Variants in RET observed in about 807,000 individuals in gnomAD.
RET encodes ret proto-oncogene, also known as proto-oncogene tyrosine-protein kinase receptor Ret.
In RET, 19 loss-of-function variants were observed where a neutral mutation model predicts 118.3. The ratio of observed to expected loss-of-function variants is 0.16; its 90% CI spans 0.11 to 0.24. The LOEUF is 0.24. RET is among the 10% of genes least tolerant of loss of function. The probability of loss-of-function intolerance (pLI) is 1.00; values close to 1 mark genes in which losing one functional copy is unlikely to be tolerated. For missense variants in RET, 1,219 were observed against 1,502.1 expected (o/e 0.81, Z 3.12); for synonymous variants, 597 against 644.1 (o/e 0.93, Z 1.11).
In RET at chr10:43,129,268, C is replaced by T. The variant is rs973554630; in HGVS notation, c.*999C>T. The T allele has an allele frequency of 1.3e-5, 3 of 233,496 alleles. No individual in the cohort carries two copies. Among genetic ancestry groups the T allele is most frequent in the African/African-American group, 2.2e-5 (1 of 45,324 alleles). 14.5% of individuals were successfully genotyped at this position (233,496 alleles called of 1,614,324 possible). On this transcript the variant is annotated 3_prime_UTR_variant, in exon 20 of 20. Coordinates refer to ENST00000355710, the MANE Select transcript of RET (RefSeq NM_020975.6). ...TTAATTTGAATCTTATCAACTTACT[C>T]ATAAAGGGACAGGCTAGCTAGCTGT... is the stretch of plus-strand genomic sequence containing the variant.
At chr10:43,100,336 C>A in intron 1 of RET, 123 bp from the exon 2 acceptor site, 1 of 1,139,636 alleles carries the variant, frequency 8.8e-7, no homozygotes, top group Non-Finnish European at 1.3e-6. Context: ...TGTTCATGTT[C>A]TCAGGAACAG....
At chr10:43,124,510 T>G (rs759962439) in intron 17 of RET, among the ~76,000 whole-genome samples, 36 of 152,250 alleles carry the variant, frequency 2.4e-4, no homozygotes, top group Non-Finnish European at 4.1e-4. Flanking sequence ...CAATTCATTC[T>G]TCTTGAGAGT....
chr10:43,100,824 C>A (rs543129908), intron 2 of RET, 102 bp downstream of exon 2: 6 of 1,313,540 alleles, frequency 4.6e-6, no homozygotes, highest in Non-Finnish European at 6.4e-6. Context: ...TGGCTTCCCC[C>A]CCACCGCTGG....
rs1221598716 is a variant in RET, at chr10:43,129,471, G to A, written c.*1202G>A. On this transcript the variant is annotated 3_prime_UTR_variant, in exon 20 of 20. Coordinates refer to ENST00000355710, the MANE Select transcript of RET (RefSeq NM_020975.6). ...TTTCTGTTTCTTAGATTCTGACCAT[G>A]ACTCATAAGCTTCTTGTCATTCTTC... The A allele has an allele frequency of 1.3e-5, 3 of 234,074 alleles. No individual in the cohort carries two copies. The highest frequency in any genetic ancestry group is 2.5e-5 in the Non-Finnish European group (3 of 118,424). 14.5% of individuals were successfully genotyped at this position (234,074 alleles called of 1,614,324 possible).
chr10:43,112,116 G>T lies in RET; in HGVS notation c.1540G>T (p.Gly514Cys). The change falls in exon 8 of 20, where the codon GGC (glycine) becomes TGC (cysteine). Residue 514 changes from glycine (G) to cysteine (C), a missense_variant. Physicochemically the swap from Gly to Cys is radical, Grantham distance 159. This residue lies in a region of RET where 850 missense variants were observed against 969.6 expected (regional missense o/e 0.88). Transcript: ENST00000355710. ...ACCTGCAGATGTGGCCGAGGAGGCG[G>T]GCTGCCCCCTGTCCTGTGCAGTCAG... ...VEGSYVAEEA[G>C]CPLSCAVSKR... 3.7e-6 allele frequency: 6 copies of T among 1,602,282 alleles called. No homozygotes were observed. The highest frequency in any genetic ancestry group is 5.1e-6 in the Non-Finnish European group (6 of 1,174,558).
At chr10:43,085,958 C>G (rs1438703448) in intron 1 of RET, among the ~76,000 whole-genome samples, 2 of 152,212 alleles carry the variant, frequency 1.3e-5, no homozygotes, top group Non-Finnish European at 1.5e-5. Context: ...GCTCCTGGCT[C>G]TCTCCCTCTG....
chr10:43,091,803 C>G (rs1837416496), intron 1 of RET, among the ~76,000 whole-genome samples: 1 of 145,390 alleles, frequency 6.9e-6, no homozygotes, highest in South Asian at 2.2e-4. Context: ...CATCTCACAC[C>G]CATTTGGATG....
intron 1 of RET, among the ~76,000 whole-genome samples, chr10:43,088,121 AGGTGGTGATGGTGGTGGAGGCAGTTGT>A (rs1205328462): frequency 2.7e-5 from 4 of 148,664 alleles, no homozygotes; most frequent in Non-Finnish European, 5.9e-5. Flanking sequence ...ATAATGGTGA[AGGTGGTGATGGTGGTGGAGGCAGTTGT>A]GGTGGTGATG....
chr10:43,112,774 G>T, intron 8 of RET, 79 bp from the exon 9 acceptor site: 1 of 1,133,028 alleles, frequency 8.8e-7, no homozygotes, highest in Non-Finnish European at 1.3e-6. Flanking sequence ...CCCTAGAGGG[G>T]CAGGATCTGC....
intron 8 of RET, among the ~76,000 whole-genome samples, chr10:43,112,599 C>T (rs2065851556): frequency 6.6e-6 from 1 of 152,216 alleles, no homozygotes; most frequent in Non-Finnish European, 1.5e-5. Flanking sequence ...CCATGAGGGG[C>T]CCTCACCATG....
rs372080924 is a variant in RET, at chr10:43,120,215, C to T, written c.2730+12C>T. On this transcript the variant is annotated intron_variant, in intron 15 of 19. Coordinates refer to ENST00000355710, the MANE Select transcript of RET (RefSeq NM_020975.6). ...TGAAGAGGAGCCAGGTGCCCAGTCC[C>T]GGGGATGAGGCGGGGCTCCCAGGGA... The T allele has an allele frequency of 1.4e-5, 23 of 1,611,990 alleles. No homozygotes were observed. Among genetic ancestry groups the T allele is most frequent in the Admixed American group, 3.3e-5 (2 of 59,986 alleles).
chr10:43,102,533 C>G lies in RET; in HGVS notation c.529C>G (p.Arg177Gly), dbSNP rs765654609. 1 of 1,614,220 alleles carries G rather than the reference C, an allele frequency of 6.2e-7. No homozygotes were observed. The highest frequency in any genetic ancestry group is 8.5e-7 in the Non-Finnish European group (1 of 1,180,034). ...AGAGACAAGGCCCTCCTTCCGCATT[C>G]GGGAGAACCGACCCCCAGGCACCTT... ...FPETRPSFRI[R>G]ENRPPGTFHQ... is the part of the protein sequence containing the mutation. Residue 177 changes from arginine (R) to glycine (G), a missense_variant, in exon 3 of 20, where the codon CGG becomes GGG. Around this residue, in one of 5 missense-constraint regions of RET, gnomAD observed 850 missense variants for 969.6 expected, o/e 0.88. Transcript: ENST00000355710.
chr10:43,105,382 C>G (rs1837746985), intron 4 of RET, among the ~76,000 whole-genome samples, 189 bp downstream of exon 4: 1 of 152,088 alleles, frequency 6.6e-6, no homozygotes, highest in Admixed American at 6.5e-5. Flanking sequence ...CAGCACCCAG[C>G]TGGGCCTTGC....
rs886046986 is a variant in RET, at chr10:43,102,600, A to G, written c.596A>G (p.Asn199Ser). 1.7e-5 allele frequency: 27 copies of G among 1,614,016 alleles called. 1 individual carries two copies. The highest frequency in any genetic ancestry group is 1.6e-4 in the Middle Eastern group (1 of 6,062). Residue 199 changes from asparagine (N) to serine (S), a missense_variant, in exon 3 of 20, where the codon AAC (asparagine) becomes AGC (serine). Asn to Ser is a conservative substitution (Grantham distance 46, BLOSUM62 1). Coordinates refer to ENST00000355710, the MANE Select transcript of RET (RefSeq NM_020975.6). ...CTGCCTGTGCAGTTCTTGTGCCCCA[A>G]CATCAGCGTGGCCTACAGGCTCCTG... Reference protein sequence around the residue: ...RLLPVQFLCPNISVAYRLLEG... With the variant: ...RLLPVQFLCPSISVAYRLLEG...
intron 5 of RET, among the ~76,000 whole-genome samples, chr10:43,107,341 C>T (rs1453191540): frequency 6.6e-6 from 1 of 152,170 alleles, no homozygotes; most frequent in Non-Finnish European, 1.5e-5. Flanking sequence ...CCAGAGTGCC[C>T]CTCCCATCAT....
intron 6 of RET, among the ~76,000 whole-genome samples, chr10:43,110,807 G>A (rs902107416): frequency 6.6e-6 from 1 of 152,204 alleles, no homozygotes; most frequent in Non-Finnish European, 1.5e-5. Context: ...CACTGCTGGG[G>A]CAGCTGGGAG....
chr10:43,109,292 G>A, intron 6 of RET, 62 bp downstream of exon 6: 2 of 1,541,776 alleles, frequency 1.3e-6, no homozygotes, highest in South Asian at 2.3e-5. Context: ...TGGGGGCACA[G>A]GGAGGCAGGT....
intron 1 of RET, among the ~76,000 whole-genome samples, chr10:43,077,924 T>C (rs1837086476): frequency 6.6e-6 from 1 of 152,126 alleles, no homozygotes; most frequent in African/African-American, 2.4e-5. Flanking sequence ...GTTTCTGGGG[T>C]GGCTCCCCCC....
At chr10:43,091,810 G>A (rs1268776014) in intron 1 of RET, among the ~76,000 whole-genome samples, 1 of 131,964 alleles carries the variant, frequency 7.6e-6, no homozygotes, top group African/African-American at 3.0e-5. Context: ...CACCCATTTG[G>A]ATGTCTACTA....
Sources: gnomAD v4.1 joint callset for allele counts (sites outside exome capture counted in the v4.1 genomes callset) on GRCh38, gnomAD v4.1.1 for gene constraint, gnomAD v4.1.1 regional missense constraint, MANE v1.5 for transcripts, NCBI Gene and HGNC (gene_info 2026-07-23, HGNC 2026-07-21) for gene names.